MARCHF9: variants seen among roughly 807,000 people sequenced by gnomAD.
The protein encoded by MARCHF9 is E3 ubiquitin-protein ligase MARCHF9.
A neutral mutation model predicts 35.2 loss-of-function variants in MARCHF9; 17 were observed. The observed-to-expected ratio is 0.48, with a 90% CI of 0.33 to 0.72. The LOEUF (loss-of-function observed/expected upper bound fraction) is 0.72. MARCHF9 is among the 30% of genes least tolerant of loss of function. The pLI is 0.02. For missense variants in MARCHF9, 386 were observed against 478.2 expected (o/e 0.81, Z 1.80); for synonymous variants, 183 against 207.4 (o/e 0.88, Z 1.01).
chr12:57,757,138 A>G, intron 2 of MARCHF9, 54 bp downstream of exon 2: 1 of 1,438,194 alleles, frequency 7.0e-7, no homozygotes, highest in Non-Finnish European at 9.2e-7. Context: ...TAGCTATTGG[A>G]CTCAGGGACC....
chr12:57,757,651 G>GAA lies in MARCHF9; in HGVS notation c.514-444_514-443dup, dbSNP rs377092364. On this transcript the variant is annotated intron_variant, in intron 2 of 3. Transcript: ENST00000266643. ...AACAGAGCAAGACTCCGTCTCGAAGGAAAAAAAAAAAAAAGAAAAGAAAAA... is the reference window on the plus strand; with the variant it reads ...AACAGAGCAAGACTCCGTCTCGAAGGAAAAAAAAAAAAAAAAGAAAAGAAAAA... 1,875 of 248,890 alleles carry GAA rather than the reference G, an allele frequency of 7.5e-3. 15 individuals carry two copies. Among genetic ancestry groups the GAA allele is most frequent in the South Asian group, 0.047 (888 of 18,910 alleles). The allele number at this position is 248,890 out of a possible 1,614,324, so 15.4% of individuals were successfully genotyped here.
At chr12:57,757,210 A>G in intron 2 of MARCHF9, 126 bp downstream of exon 2, 2 of 703,756 alleles carry the variant, frequency 2.8e-6, no homozygotes, top group East Asian at 3.5e-5. Flanking sequence ...CAGTTACCAC[A>G]GTCTCCCGTG....
rs906578915 is a variant in MARCHF9, at chr12:57,759,685, A to G, written c.*788A>G. Reference sequence around the variant, plus strand: ...TTCCTGTCTACTTCATAGGGTTGGAATAAGGATAAATGAGGGACAGGTTGG... The same window carrying G: ...TTCCTGTCTACTTCATAGGGTTGGAGTAAGGATAAATGAGGGACAGGTTGG... On this transcript the variant is annotated 3_prime_UTR_variant, in exon 4 of 4. Coordinates refer to ENST00000266643, the MANE Select transcript of MARCHF9 (RefSeq NM_138396.6). 1 of 152,248 alleles carries G rather than the reference A, an allele frequency of 6.6e-6. No homozygotes were observed. The highest frequency in any genetic ancestry group is 1.5e-5 in the Non-Finnish European group (1 of 68,046). 9.4% of individuals were successfully genotyped at this position (152,248 alleles called of 1,614,324 possible).
At position 57,758,720 on chromosome 12, in the gene MARCHF9, G is replaced by A; in HGVS notation, c.864G>A (p.Arg288=). Residue 288 remains arginine, a synonymous_variant, in exon 4 of 4, where the codon CGG becomes CGA. Transcript: ENST00000266643. This position sits in a 1 kb window ranked among gnomAD's most constrained non-coding sequence, Gnocchi z 5.4. ...GGAAGTCAGGCCCCAGGAACTCACG[G>A]ACGGGCCCCACCTCTGGGGCCACGA... ...TAGKSGPRNS[R]TGPTSGATSR... is the part of the protein sequence containing the mutation. The A allele has an allele frequency of 6.2e-7, 1 of 1,610,390 alleles. No homozygotes were observed. Among genetic ancestry groups the A allele is most frequent in the Non-Finnish European group, 8.5e-7 (1 of 1,178,494 alleles).
At position 57,755,765 on chromosome 12, in the gene MARCHF9, G is replaced by A. The variant is rs1301485920; in HGVS notation, c.237G>A (p.Leu79=). Residue 79 remains leucine, a synonymous_variant, in exon 1 of 4, where the codon CTG becomes CTA. Coordinates refer to ENST00000266643, the MANE Select transcript of MARCHF9 (RefSeq NM_138396.6). The stretch of plus-strand genomic sequence containing the variant: ...ACAAGGAGCCGCGGGCCGGACCCCT[G>A]CCGCCGCCCGCGCCGCCGCTGCCGC... The part of the protein sequence containing the change: ...AGDKEPRAGP[L]PPPAPPLPPP... 14 of 1,257,116 alleles carry A rather than the reference G, an allele frequency of 1.1e-5. No homozygotes were observed. The highest frequency in any genetic ancestry group is 1.4e-5 in the Non-Finnish European group (14 of 1,003,832). The allele number at this position is 1,257,116 out of a possible 1,614,324, so 77.9% of individuals were successfully genotyped here. A position where few individuals can be genotyped will look rare whatever the true frequency, so the allele number is the denominator to read the frequency against.
Position 57,758,732 on chromosome 12 carries a change from C to A in MARCHF9, c.876C>A (p.Thr292=). 2 of 1,610,358 alleles carry A rather than the reference C, an allele frequency of 1.2e-6. No individual in the cohort carries two copies. The highest frequency in any genetic ancestry group is 8.5e-7 in the Non-Finnish European group (1 of 1,178,512). The part of the protein sequence containing the change: ...SGPRNSRTGP[T]SGATSRPPAA... ...CCAGGAACTCACGGACGGGCCCCAC[C>A]TCTGGGGCCACGAGCCGCCCCCCAG... Residue 292 remains threonine, a synonymous_variant, in exon 4 of 4, where the codon ACC becomes ACA. Transcript: ENST00000266643. The surrounding 1 kb of genome is among the most constrained non-coding windows in gnomAD (Gnocchi z 5.4).
At chr12:57,755,994 A>G in intron 1 of MARCHF9, 109 bp downstream of exon 1, 1 of 761,480 alleles carries the variant, frequency 1.3e-6, no homozygotes, top group African/African-American at 1.9e-5. Flanking sequence ...GGGCCCCAGG[A>G]CACGGAGTGG....
rs571131287 is a variant in MARCHF9, at chr12:57,758,563, G to A, written c.707G>A (p.Gly236Asp). Reference sequence around the variant, plus strand: ...TGGATTTCTTATTCCTATTGCTCAGGCCTCATCATCCATGAAGGCTCCTCT... The same window carrying A: ...TGGATTTCTTATTCCTATTGCTCAGACCTCATCATCCATGAAGGCTCCTCT... ...MYGFMDVVCI[G>D]LIIHEGSSVY... Residue 236 changes from glycine (G) to aspartate (D), a missense_variant and splice_region_variant, in exon 4 of 4, where the codon GGC becomes GAC. Gly to Asp is a moderately conservative substitution (Grantham distance 94). This residue lies in a region of MARCHF9 where 219 missense variants were observed against 316.2 expected (regional missense o/e 0.69). Transcript: ENST00000266643. The surrounding 1 kb of genome is among the most constrained non-coding windows in gnomAD (Gnocchi z 5.4). 1.2e-6 allele frequency: 2 copies of A among 1,603,352 alleles called. No individual in the cohort carries two copies. Among genetic ancestry groups the A allele is most frequent in the African/African-American group, 2.7e-5 (2 of 74,472 alleles).
Position 57,759,247 on chromosome 12 carries a change from A to C in MARCHF9, c.*350A>C. On this transcript the variant is annotated 3_prime_UTR_variant, in exon 4 of 4. Coordinates refer to ENST00000266643, the MANE Select transcript of MARCHF9 (RefSeq NM_138396.6). ...ACGGTGACTTGGTGAAGGGGGACCA[A>C]TGCCAGAAGAAAGGGGCTGTAGACC... 1 of 252,624 alleles carries C rather than the reference A, an allele frequency of 4.0e-6. No individual in the cohort carries two copies. The highest frequency in any genetic ancestry group is 7.7e-6 in the Non-Finnish European group (1 of 129,712). The allele number at this position is 252,624 out of a possible 1,614,324, so 15.6% of individuals were successfully genotyped here.
In MARCHF9 at chr12:57,758,425, GC is replaced by G; in HGVS notation, c.706+130del. ...CTGTAGCCTTTAGTGCTATCCTGGT[GC>G]CCCCTCAACCCACTTCCCTGCTTCT... is the stretch of plus-strand genomic sequence containing the variant. On this transcript the variant is annotated intron_variant, in intron 3 of 3. Coordinates refer to ENST00000266643, the MANE Select transcript of MARCHF9 (RefSeq NM_138396.6). The surrounding 1 kb of genome is among the most constrained non-coding windows in gnomAD (Gnocchi z 5.4). 1 of 1,339,098 alleles carries G rather than the reference GC, an allele frequency of 7.5e-7. No individual in the cohort carries two copies. 83.0% of individuals were successfully genotyped at this position (1,339,098 alleles called of 1,614,324 possible).
intron 2 of MARCHF9, 54 bp downstream of exon 2, chr12:57,757,138 A>C: frequency 1.4e-6 from 2 of 1,438,194 alleles, no homozygotes; most frequent in Non-Finnish European, 1.8e-6. Context: ...TAGCTATTGG[A>C]CTCAGGGACC....
intron 1 of MARCHF9, 38 bp from the exon 2 acceptor site, chr12:57,756,891 G>C: frequency 6.8e-7 from 1 of 1,462,272 alleles, no homozygotes; most frequent in Non-Finnish European, 9.1e-7. Context: ...GGTCGGGGTG[G>C]TGATGGCTGA....
rs1565808975 is a variant in MARCHF9, at chr12:57,758,168, T to A, written c.574T>A (p.Ser192Thr). Residue 192 changes from serine (S) to threonine (T), a missense_variant, in exon 3 of 4, where the codon TCG (serine) becomes ACG (threonine). Coordinates refer to ENST00000266643, the MANE Select transcript of MARCHF9 (RefSeq NM_138396.6). The surrounding 1 kb of genome is among the most constrained non-coding windows in gnomAD (Gnocchi z 5.4). ...CCAGATTGCTGCCATAGTTCTGGGC[T>A]CGCTCTTCCTGGTTGCCAGCATCTC... is the stretch of plus-strand genomic sequence containing the variant. ...KVQIAAIVLG[S>T]LFLVASISWL... 1 of 1,614,212 alleles carries A rather than the reference T, an allele frequency of 6.2e-7. No individual in the cohort carries two copies. The highest frequency in any genetic ancestry group is 8.5e-7 in the Non-Finnish European group (1 of 1,180,034).
chr12:57,757,007 G>T lies in MARCHF9; in HGVS notation c.436G>T (p.Glu146Ter). Residue 146 changes from glutamate to a stop codon, truncating the protein, a stop_gained, in exon 2 of 4, where the codon GAG (glutamate) becomes TAG (stop). Transcript: ENST00000266643. LOFTEE classifies it high-confidence loss of function. ...HQPCLIRWISERGSWSCELCY... is the reference protein window; with the variant it reads ...HQPCLIRWIS ...GCCCTGCCTCATCCGCTGGATCAGCGAGAGGGGCTCCTGGAGCTGTGAGCT... is the reference window on the plus strand; with the variant it reads ...GCCCTGCCTCATCCGCTGGATCAGCTAGAGGGGCTCCTGGAGCTGTGAGCT... 6.3e-7 allele frequency: 1 copy of T among 1,585,424 alleles called. No individual in the cohort carries two copies. Among genetic ancestry groups the T allele is most frequent in the East Asian group, 2.3e-5 (1 of 43,562 alleles).
chr12:57,757,633 CA>C (rs2140393165), intron 2 of MARCHF9: 1 of 282,140 alleles, frequency 3.5e-6, no homozygotes, highest in South Asian at 3.9e-5. Flanking sequence ...GGCAACAGAG[CA>C]AGACTCCGTC....
Position 57,759,076 on chromosome 12 carries a change from C to T in MARCHF9, c.*179C>T. 1 of 614,604 alleles carries T rather than the reference C, an allele frequency of 1.6e-6. No individual in the cohort carries two copies. The highest frequency in any genetic ancestry group is 2.5e-5 in the South Asian group (1 of 39,984). 38.1% of individuals were successfully genotyped at this position (614,604 alleles called of 1,614,324 possible). Reference sequence around the variant, plus strand: ...GGCCTCACTGCCCACTGGGTAGAGACACCTGGATGACATTTCAGTACCCGC... The same window carrying T: ...GGCCTCACTGCCCACTGGGTAGAGATACCTGGATGACATTTCAGTACCCGC... On this transcript the variant is annotated 3_prime_UTR_variant, in exon 4 of 4. Transcript: ENST00000266643.
Position 57,758,191 on chromosome 12 carries a change from C to G in MARCHF9, c.597C>G (p.Ile199Met), listed in dbSNP as rs763768277. 1 of 1,614,240 alleles carries G rather than the reference C, an allele frequency of 6.2e-7. No homozygotes were observed. Among genetic ancestry groups the G allele is most frequent in the Non-Finnish European group, 8.5e-7 (1 of 1,180,050 alleles). ...GCTCGCTCTTCCTGGTTGCCAGCAT[C>G]TCCTGGCTCATCTGGTCCTCACTCA... ...VLGSLFLVAS[I>M]SWLIWSSLSP... Residue 199 changes from isoleucine (I) to methionine (M), a missense_variant, in exon 3 of 4, where the codon ATC becomes ATG. Ile to Met is a conservative substitution (Grantham distance 10, BLOSUM62 1). Coordinates refer to ENST00000266643, the MANE Select transcript of MARCHF9 (RefSeq NM_138396.6). The surrounding 1 kb of genome is among the most constrained non-coding windows in gnomAD (Gnocchi z 5.4).
Position 57,756,861 on chromosome 12 carries a change from C to T in MARCHF9, c.358-68C>T, listed in dbSNP as rs529013634. On this transcript the variant is annotated intron_variant, in intron 1 of 3. Transcript: ENST00000266643. ...TGACCTGAAGAGGAGGTTTCCCTGT[C>T]GGGGAGCGCGGCTGAGTGGGGTCGG... 5.3e-4 allele frequency: 735 copies of T among 1,385,878 alleles called. 3 individuals are homozygous for T. In the Middle Eastern group the frequency reaches 0.015, roughly 28 times the overall value. 85.8% of individuals were successfully genotyped at this position (1,385,878 alleles called of 1,614,324 possible). A position where few individuals can be genotyped will look rare whatever the true frequency, so the allele number is the denominator to read the frequency against.
At position 57,757,055 on chromosome 12, in the gene MARCHF9, C is replaced by G; in HGVS notation, c.484C>G (p.Leu162Val). ...GCTCTGCTACTTCAAGTACCAGGTC[C>G]TGGCGATCAGCACCAAGAACCCACT... ...CELCYFKYQV[L>V]AISTKNPLQW... is the part of the protein sequence containing the mutation. The change falls in exon 2 of 4, where the codon CTG becomes GTG. Residue 162 changes from leucine to valine, a missense_variant. Coordinates refer to ENST00000266643, the MANE Select transcript of MARCHF9 (RefSeq NM_138396.6). 7.1e-6 allele frequency: 11 copies of G among 1,555,300 alleles called. No homozygotes were observed. Among genetic ancestry groups the G allele is most frequent in the Non-Finnish European group, 9.6e-6 (11 of 1,149,012 alleles).
Sources: gnomAD v4.1 joint callset for allele counts on GRCh38, gnomAD v4.1.1 for gene constraint, gnomAD v4.1.1 regional missense constraint, Gnocchi (gnomAD v3.1) non-coding constraint, MANE v1.5 for transcripts, NCBI Gene and HGNC (gene_info 2026-07-23, HGNC 2026-07-21) for gene names.